FOXP2: variants seen among roughly 807,000 people sequenced by gnomAD.
FOXP2 encodes forkhead box protein P2.
A neutral mutation model predicts 115.8 loss-of-function variants in FOXP2; 12 were observed. That is an observed-to-expected ratio of 0.10 (90% CI 0.07 to 0.17). The LOEUF is 0.17. Ranked by LOEUF, FOXP2 falls within the 10% of genes least tolerant of loss-of-function variation. FOXP2 has a pLI of 1.00. For synonymous variants in FOXP2, 328 were observed against 297.7 expected (o/e 1.10, Z -1.05); for missense variants, 629 against 843.5 (o/e 0.75, Z 3.15).
chr7:114,598,132 G>A (rs190077075), intron 3 of FOXP2, among the ~76,000 whole-genome samples: 111 of 152,032 alleles, frequency 7.3e-4, no homozygotes, highest in Non-Finnish European at 1.2e-3. Flanking sequence ...CTGCTTAATT[G>A]TGAGTGCTAC....
intron 1 of FOXP2, among the ~76,000 whole-genome samples, chr7:114,263,094 C>T (rs906383141): frequency 6.6e-6 from 1 of 152,174 alleles, no homozygotes; most frequent in Non-Finnish European, 1.5e-5. Context: ...CTAATTTTCT[C>T]CCAGCTTCCC....
chr7:114,561,671 C>T (rs1169583706), intron 3 of FOXP2, among the ~76,000 whole-genome samples: 2 of 152,142 alleles, frequency 1.3e-5, no homozygotes. Context: ...GCTTTTAAAA[C>T]TTTACACTAA....
chr7:114,245,849 T>C (rs963060519), intron 1 of FOXP2, among the ~76,000 whole-genome samples: 1 of 149,456 alleles, frequency 6.7e-6, no homozygotes, highest in Non-Finnish European at 1.5e-5. Context: ...CCAAAGTTTT[T>C]TTTCCTTGCG....
chr7:114,381,718 C>T (rs1374442836), intron 2 of FOXP2, among the ~76,000 whole-genome samples: 1 of 152,158 alleles, frequency 6.6e-6, no homozygotes, highest in Admixed American at 6.5e-5. Context: ...GCACTAACCT[C>T]CACTGCCCGT....
At chr7:114,610,656 A>G (rs1036262756) in intron 3 of FOXP2, among the ~76,000 whole-genome samples, 3 of 151,948 alleles carry the variant, frequency 2.0e-5, no homozygotes, top group Non-Finnish European at 4.4e-5. Context: ...AGTAACTGCT[A>G]AGAGGTTTTT....
rs561093284 is a variant in FOXP2, at chr7:114,209,574, G to A, written c.-102+46486G>A. Among the ~76,000 whole-genome samples, 16 of 152,146 alleles carry A rather than the reference G, an allele frequency of 1.1e-4. No individual in the cohort carries two copies. In the South Asian group the frequency reaches 2.1e-3, roughly 20 times the overall value. ...ACCTGGTCTTTCTTTCTGGCTGCCC[G>A]TAACATTTTTTCTTTCCTTTTGATC... On this transcript the variant is annotated intron_variant, in intron 1 of 17. Transcript: ENST00000634411.
At chr7:114,278,067 G>GAATA (rs1796233791) in intron 1 of FOXP2, among the ~76,000 whole-genome samples, 1 of 138,402 alleles carries the variant, frequency 7.2e-6, no homozygotes, top group South Asian at 2.4e-4. Flanking sequence ...CCGGGATATA[G>GAATA]AATAAAGTAA....
chr7:114,560,442 T>TA (rs1800706627), intron 3 of FOXP2, among the ~76,000 whole-genome samples: 2 of 151,866 alleles, frequency 1.3e-5, no homozygotes, highest in African/African-American at 2.4e-5. Context: ...CTAAAAATGT[T>TA]AAAAATACTA....
chr7:114,113,257 T>C (rs1206245343), intron 1 of FOXP2, among the ~76,000 whole-genome samples: 4 of 152,176 alleles, frequency 2.6e-5, no homozygotes, highest in South Asian at 2.1e-4. Flanking sequence ...TAAAGACCTC[T>C]AGGAGAACTA....
intron 2 of FOXP2, among the ~76,000 whole-genome samples, chr7:114,405,976 T>C (rs1793027167): frequency 6.6e-6 from 1 of 151,862 alleles, no homozygotes; most frequent in Non-Finnish European, 1.5e-5. Flanking sequence ...GAATTTGTAG[T>C]TGAAAAATAA....
intron 2 of FOXP2, among the ~76,000 whole-genome samples, chr7:114,404,002 A>T (rs1262247112): frequency 6.6e-6 from 1 of 152,156 alleles, no homozygotes; most frequent in Non-Finnish European, 1.5e-5. Context: ...GAAGGTGGAC[A>T]TTCATTTGCC....
chr7:114,285,738 G>A (rs1032535083), intron 1 of FOXP2, among the ~76,000 whole-genome samples: 1 of 152,018 alleles, frequency 6.6e-6, no homozygotes, highest in Non-Finnish European at 1.5e-5. Flanking sequence ...GATTGCTAGT[G>A]ATTTTATGAG....
At chr7:114,574,041 T>C (rs949474407) in intron 3 of FOXP2, among the ~76,000 whole-genome samples, 1 of 151,922 alleles carries the variant, frequency 6.6e-6, no homozygotes, top group East Asian at 1.9e-4. Flanking sequence ...CTGAGTATTG[T>C]ACCTCTCTAT....
In FOXP2 at chr7:114,372,215, C is replaced by T. The variant is rs1792025592; in HGVS notation, c.-10-54287C>T. Among the ~76,000 whole-genome samples the T allele has an allele frequency of 2.6e-5, 4 of 152,240 alleles. No homozygotes were observed. The South Asian group carries it at 8.3e-4, about 32-fold the overall frequency. ...AAAAATATCTGTCCTGTTCTCCAAT[C>T]TTATGAACACCAGGTACTTCCTAAA... On this transcript the variant is annotated intron_variant, in intron 2 of 17. Coordinates refer to the FOXP2 transcript ENST00000634411.
intron 1 of FOXP2, among the ~76,000 whole-genome samples, chr7:114,244,677 T>C (rs1042736536): frequency 6.6e-6 from 1 of 152,252 alleles, no homozygotes; most frequent in African/African-American, 2.4e-5. Flanking sequence ...AAAGTTGATA[T>C]ATAAGTACTG....
At chr7:114,278,767 A>C (rs1379391989) in intron 1 of FOXP2, among the ~76,000 whole-genome samples, 3 of 152,238 alleles carry the variant, frequency 2.0e-5, no homozygotes, top group Non-Finnish European at 2.9e-5. Context: ...CAAGTACTGT[A>C]AAGTGAGTAT....
intron 3 of FOXP2, among the ~76,000 whole-genome samples, chr7:114,604,778 T>C (rs1435227956): frequency 6.6e-6 from 1 of 152,146 alleles, no homozygotes; most frequent in African/African-American, 2.4e-5. Flanking sequence ...AGGCCTCTAC[T>C]AAAGGCTTCC....
At chr7:114,490,718 A>G (rs1311225239) in intron 2 of FOXP2, among the ~76,000 whole-genome samples, 1 of 151,852 alleles carries the variant, frequency 6.6e-6, no homozygotes, top group Admixed American at 6.6e-5. Flanking sequence ...ATGTGTTCTC[A>G]TTGTTCAATT....
intron 1 of FOXP2, among the ~76,000 whole-genome samples, chr7:114,273,616 A>G (rs1260819990): frequency 6.6e-6 from 1 of 151,898 alleles, no homozygotes; most frequent in African/African-American, 2.4e-5. Flanking sequence ...ACCCCCACAT[A>G]GTTTCTTGCT....
Sources: allele counts gnomAD v4.1 joint callset (sites outside exome capture counted in the v4.1 genomes callset), GRCh38; gene constraint gnomAD v4.1.1; transcripts MANE v1.5; gene names NCBI Gene and HGNC (gene_info 2026-07-23, HGNC 2026-07-21).